PKD1L3: variants seen among roughly 807,000 people sequenced by gnomAD.
PKD1L3 encodes the protein polycystin 1 like 3, transient receptor potential channel interacting, also known as polycystin-1-like protein 3.
A neutral mutation model predicts 184.1 loss-of-function variants in PKD1L3; 239 were observed. That is an observed-to-expected ratio of 1.30 (90% CI 1.17 to 1.45). PKD1L3 has a LOEUF of 1.45. PKD1L3 is among the 40% of genes most tolerant of loss of function. The pLI, the probability that PKD1L3 is intolerant of heterozygous loss-of-function variation, is 0.00. For missense variants in PKD1L3, 2,660 were observed against 2,067.2 expected, an observed-to-expected ratio of 1.29 and a Z score of -5.56; for synonymous variants, 996 against 778.8, an observed-to-expected ratio of 1.28 and a Z score of -4.64.
chr16:71,932,071 A>G (rs1442992822), intron 28 of PKD1L3, among the ~76,000 whole-genome samples: 1 of 152,180 alleles, frequency 6.6e-6, no homozygotes, highest in East Asian at 1.9e-4. Context: ...AATGTGTGTT[A>G]TATTTTATTG....
chr16:71,949,584 C>T (rs1209612788), intron 21 of PKD1L3, among the ~76,000 whole-genome samples, 199 bp downstream of exon 21: 1 of 152,098 alleles, frequency 6.6e-6, no homozygotes, highest in Non-Finnish European at 1.5e-5. Flanking sequence ...AACACCTGGA[C>T]TCAAGCAATC....
intron 16 of PKD1L3, among the ~76,000 whole-genome samples, chr16:71,958,871 G>T (rs2039157753): frequency 6.7e-6 from 1 of 150,288 alleles, no homozygotes. Flanking sequence ...TGGACTGCTT[G>T]AGCGCAGGAG....
chr16:71,971,772 G>C (rs1567529315), intron 12 of PKD1L3, among the ~76,000 whole-genome samples: 1 of 152,186 alleles, frequency 6.6e-6, no homozygotes, highest in Non-Finnish European at 1.5e-5. Flanking sequence ...GACTGCCTGA[G>C]GCTATGAATG....
intron 9 of PKD1L3, among the ~76,000 whole-genome samples, chr16:71,978,693 C>T (rs905745863): frequency 1.3e-5 from 2 of 151,708 alleles, no homozygotes; most frequent in Non-Finnish European, 2.9e-5. Flanking sequence ...GTGCACACCA[C>T]CATGCCTGGC....
intron 6 of PKD1L3, among the ~76,000 whole-genome samples, chr16:71,983,663 C>CTTTTTTTTTTTTTTTTTTTTTTTTTTTT (rs1180950058): frequency 7.0e-5 from 7 of 100,308 alleles, no homozygotes; most frequent in African/African-American, 2.7e-4. Context: ...GATTCTCTTT[C>CTTTTTTTTTTTTTTTTTTTTTTTTTTTT]TTTTTTTTTT....
At chr16:71,934,612 A>AG (rs1423679323) in intron 26 of PKD1L3, among the ~76,000 whole-genome samples, 1 of 152,166 alleles carries the variant, frequency 6.6e-6, no homozygotes, top group Non-Finnish European at 1.5e-5. Context: ...ACTAGAGGCG[A>AG]GGGGTGTTGC....
chr16:71,933,360 C>A, intron 28 of PKD1L3, 60 bp downstream of exon 28: 2 of 1,274,364 alleles, frequency 1.6e-6, no homozygotes, highest in Non-Finnish European at 2.2e-6. Context: ...CATAAGGACC[C>A]CCCCAATTTT....
rs59253077 is a variant in PKD1L3, at chr16:71,977,562, T to TC, written c.1528-96_1528-95insG. ...TAAGGTAAGGAAACGTCCTAGCTCT[T>TC]TTTTTTTTTTTTTTTTTTGAGATGG... On this transcript the variant is annotated intron_variant, in intron 10 of 29. Coordinates refer to ENST00000620267, the MANE Select transcript of PKD1L3 (RefSeq NM_181536.2). The TC allele has an allele frequency of 2.9e-3, 1,806 of 627,780 alleles. 25 individuals carry two copies. The highest frequency in any genetic ancestry group is 3.9e-3 in the South Asian group (156 of 40,492). 38.9% of individuals were successfully genotyped at this position (627,780 alleles called of 1,614,324 possible).
intron 6 of PKD1L3, among the ~76,000 whole-genome samples, chr16:71,982,580 C>T (rs1419699888): frequency 6.6e-6 from 1 of 151,612 alleles, no homozygotes; most frequent in Admixed American, 6.6e-5. Context: ...CCACCACGCC[C>T]AGCCTATGAT....
chr16:71,964,294 TTCTC>T (rs2143545933), intron 15 of PKD1L3, among the ~76,000 whole-genome samples: 1 of 144,628 alleles, frequency 6.9e-6, no homozygotes, highest in East Asian at 2.2e-4. Flanking sequence ...CCACTTAAAT[TTCTC>T]TCGTCAAAAT....
chr16:71,945,383 C>CACAT (rs2038556769), intron 22 of PKD1L3, among the ~76,000 whole-genome samples: 1 of 56,970 alleles, frequency 1.8e-5, no homozygotes, highest in Non-Finnish European at 3.7e-5. Flanking sequence ...CGCACACACA[C>CACAT]ATATATATAT....
intron 29 of PKD1L3, 131 bp from the exon 30 acceptor site, chr16:71,929,809 C>T (rs186506118): frequency 4.7e-6 from 5 of 1,059,542 alleles, no homozygotes; most frequent in Admixed American, 5.9e-5. Context: ...AATTTGCAGT[C>T]AGGCATTGGA....
intron 28 of PKD1L3, among the ~76,000 whole-genome samples, chr16:71,932,770 C>T (rs1002554447): frequency 2.0e-5 from 3 of 148,176 alleles, no homozygotes; most frequent in African/African-American, 5.0e-5. Flanking sequence ...CATGAGCCAC[C>T]GCACCTGGCC....
intron 2 of PKD1L3, among the ~76,000 whole-genome samples, chr16:71,997,537 T>G (rs771789286): frequency 6.6e-6 from 1 of 151,814 alleles, no homozygotes; most frequent in African/African-American, 2.4e-5. Context: ...TCATCTGAGG[T>G]TGGGAGTTCG....
chr16:71,990,294 G>T lies in PKD1L3; in HGVS notation c.571C>A (p.Leu191Ile). 1 of 1,548,508 alleles carries T rather than the reference G, an allele frequency of 6.5e-7. No homozygotes were observed. Residue 191 changes from leucine (L) to isoleucine (I), a missense_variant, in exon 4 of 30, where the codon CTT (leucine) becomes ATT (isoleucine). By Grantham distance (5) the Leu-to-Ile change is conservative. Transcript: ENST00000620267. ...GHLPTTCHYP[L>I]PAHLSKTLCH... ...GAAGCACTTACAAGATGAGCAGGAA[G>T]AGGATAGTGACATGTGGTTGGAAGA...
At chr16:71,973,642 T>C in intron 11 of PKD1L3, 125 bp from the exon 12 acceptor site, 1 of 916,116 alleles carries the variant, frequency 1.1e-6, no homozygotes. Flanking sequence ...GAGTCACAAA[T>C]GATTTGAAAG....
At chr16:71,953,510 C>T (rs2038929530) in intron 17 of PKD1L3, among the ~76,000 whole-genome samples, 1 of 152,198 alleles carries the variant, frequency 6.6e-6, no homozygotes, top group African/African-American at 2.4e-5. Flanking sequence ...CACTACAAAG[C>T]ACCTTACCTG....
intron 24 of PKD1L3, 122 bp from the exon 25 acceptor site, chr16:71,937,541 C>T (rs1321999164): frequency 3.7e-6 from 4 of 1,073,724 alleles, no homozygotes; most frequent in Admixed American, 2.7e-5. Context: ...AGTCTCAGTG[C>T]TCCACTTAGT....
At position 71,996,969 on chromosome 16, in the gene PKD1L3, T is replaced by TTTC. The variant is rs1227675699; in HGVS notation, c.418+1300_418+1302dup. 2.1e-5 allele frequency among the ~76,000 whole-genome samples: 3 copies of TTTC among 143,374 alleles called. No individual in the cohort carries two copies. The East Asian group carries it at 5.9e-4, about 28-fold the overall frequency. 94.1% of individuals were successfully genotyped at this position (143,374 alleles called of 152,430 possible). A position where few individuals can be genotyped will look rare whatever the true frequency, so the allele number is the denominator to read the frequency against. On this transcript the variant is annotated intron_variant, in intron 2 of 29. Coordinates refer to ENST00000620267, the MANE Select transcript of PKD1L3 (RefSeq NM_181536.2). ...TGCTTTGATTTTTTTTTTTTTTTTT[T>TTTC]TTCTCCTTGAGTTAGAAAGCGAGGT...
Sources: allele counts gnomAD v4.1 joint callset (sites outside exome capture counted in the v4.1 genomes callset), GRCh38; gene constraint gnomAD v4.1.1; transcripts MANE v1.5; gene names NCBI Gene and HGNC (gene_info 2026-07-23, HGNC 2026-07-21).